Variants in SAMD5 observed in about 807,000 individuals in gnomAD.
SAMD5 encodes sterile alpha motif domain-containing protein 5.
SAMD5 carries 13 observed loss-of-function variants against 11.3 expected under a neutral mutation model. The observed-to-expected ratio is 1.15, with a 90% confidence interval of 0.75 to 1.83. The LOEUF is 1.83. Among genes scored for constraint, SAMD5 ranks in the 40% most tolerant of loss-of-function variants. SAMD5 has a pLI of 0.00. For missense variants in SAMD5, 255 were observed against 239.1 expected, an observed-to-expected ratio of 1.07 and a Z score of -0.44; for synonymous variants, 129 against 111.3, an observed-to-expected ratio of 1.16 and a Z score of -1.00.
At chr6:147,514,861 G>T (rs974408775) in intron 1 of SAMD5, among the ~76,000 whole-genome samples, 1 of 152,132 alleles carries the variant, frequency 6.6e-6, no homozygotes, top group African/African-American at 2.4e-5. Flanking sequence ...TGCTAATAAG[G>T]CTATTTATGG....
intron 1 of SAMD5, among the ~76,000 whole-genome samples, chr6:147,697,716 T>G (rs549166834): frequency 6.6e-6 from 1 of 152,138 alleles, no homozygotes; most frequent in East Asian, 1.9e-4. Context: ...GAAACAATCA[T>G]GATGAATGAG....
the SAMD5 span, among the ~76,000 whole-genome samples, chr6:147,942,277 A>G: frequency 3.9e-5 from 6 of 152,184 alleles, no homozygotes; most frequent in Non-Finnish European, 5.9e-5. Flanking sequence ...CCAGAAAGAA[A>G]TCACCTCCAG....
At chr6:147,576,912 T>C (rs878953379) in intron 1 of SAMD5, among the ~76,000 whole-genome samples, 1 of 152,260 alleles carries the variant, frequency 6.6e-6, no homozygotes, top group Admixed American at 6.5e-5. Context: ...AATTGCCCTT[T>C]GAAATAGCCT....
At chr6:147,829,321 T>C in the SAMD5 span, among the ~76,000 whole-genome samples, 1 of 152,182 alleles carries the variant, frequency 6.6e-6, no homozygotes, top group Non-Finnish European at 1.5e-5. Context: ...CTGAGGCTCA[T>C]AGACTCTGCC....
chr6:147,630,045 G>T (rs528696746), intron 1 of SAMD5, among the ~76,000 whole-genome samples: 22 of 151,348 alleles, frequency 1.5e-4, no homozygotes, highest in African/African-American at 3.9e-4. Flanking sequence ...CACCTCCCAG[G>T]TTCAAGCAAT....
chr6:147,550,529 TA>T (rs1230482112), intron 1 of SAMD5, among the ~76,000 whole-genome samples: 4 of 152,086 alleles, frequency 2.6e-5, no homozygotes, highest in Non-Finnish European at 4.4e-5. Context: ...ATGACTAGAT[TA>T]AAAAAATGTG....
chr6:147,930,563 G>A, the SAMD5 span, among the ~76,000 whole-genome samples: 3 of 152,160 alleles, frequency 2.0e-5, no homozygotes, highest in Non-Finnish European at 2.9e-5. Flanking sequence ...ATAAGCTGGA[G>A]AATGATAGAA....
At chr6:147,573,449 A>C (rs943240956), downstream of SAMD5, among the ~76,000 whole-genome samples, 3 of 152,190 alleles carry the variant, frequency 2.0e-5, no homozygotes, top group African/African-American at 7.2e-5. Context: ...TGAGAACAGC[A>C]TCAGGGAAAC....
chr6:147,720,572 G>T (rs927693411), intron 1 of SAMD5, among the ~76,000 whole-genome samples: 1 of 152,082 alleles, frequency 6.6e-6, no homozygotes. Flanking sequence ...CAGAAAAAAT[G>T]AGGAGAGGAG....
the SAMD5 span, among the ~76,000 whole-genome samples, chr6:147,884,758 C>A: frequency 6.6e-6 from 1 of 152,074 alleles, no homozygotes; most frequent in Non-Finnish European, 1.5e-5. Context: ...ACACTAATTA[C>A]CTGAATCCAT....
At chr6:147,599,324 G>C (rs1352611166) in intron 1 of SAMD5, among the ~76,000 whole-genome samples, 1 of 152,202 alleles carries the variant, frequency 6.6e-6, no homozygotes, top group Non-Finnish European at 1.5e-5. Context: ...ACTGGACAAT[G>C]TTGTGATAAG....
the SAMD5 span, among the ~76,000 whole-genome samples, chr6:147,936,650 C>T: frequency 1.3e-5 from 2 of 152,084 alleles, no homozygotes; most frequent in Admixed American, 6.6e-5. Context: ...AATATCCAAA[C>T]TACGTCAACC....
the SAMD5 span, among the ~76,000 whole-genome samples, chr6:147,764,184 A>C: frequency 6.6e-6 from 1 of 152,194 alleles, no homozygotes; most frequent in Admixed American, 6.5e-5. Context: ...GTGAAGCCAC[A>C]GATTTCTGAT....
At chr6:147,570,157 A>T (rs1789115035), downstream of SAMD5, 1 of 371,848 alleles carries the variant, frequency 2.7e-6, no homozygotes, top group South Asian at 1.1e-4. Flanking sequence ...TTCTAACGGG[A>T]AAGAAAGGAA....
intron 1 of SAMD5, among the ~76,000 whole-genome samples, chr6:147,701,928 A>G (rs952036297): frequency 3.9e-5 from 6 of 152,220 alleles, no homozygotes; most frequent in Admixed American, 3.9e-4. Flanking sequence ...ATATGTTTTT[A>G]AATTATGACT....
At chr6:147,837,374 T>G in the SAMD5 span, among the ~76,000 whole-genome samples, 34 of 152,306 alleles carry the variant, frequency 2.2e-4, no homozygotes, top group African/African-American at 7.9e-4. Flanking sequence ...TTCAAATAAC[T>G]AAAACATAAG....
At chr6:147,938,144 G>A in the SAMD5 span, among the ~76,000 whole-genome samples, 1 of 152,230 alleles carries the variant, frequency 6.6e-6, no homozygotes, top group Non-Finnish European at 1.5e-5. Flanking sequence ...ATATCAGAGA[G>A]TATGTAATGG....
intron 1 of SAMD5, among the ~76,000 whole-genome samples, chr6:147,675,593 G>C (rs1790851525): frequency 6.6e-6 from 1 of 152,184 alleles, no homozygotes; most frequent in African/African-American, 2.4e-5. Context: ...GTTTTTGCCA[G>C]TGGTTGTTAG....
chr6:147,858,965 A>G, the SAMD5 span, among the ~76,000 whole-genome samples: 1 of 152,214 alleles, frequency 6.6e-6, no homozygotes, highest in Admixed American at 6.5e-5. Flanking sequence ...GTACAATATT[A>G]GTATGTAGAT....
Sources: allele counts gnomAD v4.1 joint callset (sites outside exome capture counted in the v4.1 genomes callset), GRCh38; gene constraint gnomAD v4.1.1; transcripts MANE v1.5; gene names NCBI Gene and HGNC (gene_info 2026-07-23, HGNC 2026-07-21).